DMXL1: variants seen among roughly 807,000 people sequenced by gnomAD.
The protein encoded by DMXL1 is dmX-like protein 1.
In DMXL1, 99 loss-of-function variants were observed where a neutral mutation model predicts 319.2. That is an observed-to-expected ratio of 0.31 (90% CI 0.26 to 0.37). DMXL1 has a LOEUF of 0.37. Ranked by LOEUF, DMXL1 falls within the 10% of genes least tolerant of loss-of-function variation. DMXL1 has a pLI of 1.00. For synonymous variants in DMXL1, 1,385 were observed against 1,235.2 expected (o/e 1.12, Z -2.54); for missense variants, 3,745 against 3,595.6 (o/e 1.04, Z -1.06).
chr5:119,110,083 T>C, intron 4 of DMXL1, 68 bp from the exon 5 acceptor site: 1 of 1,394,002 alleles, frequency 7.2e-7, no homozygotes, highest in Non-Finnish European at 9.7e-7. Context: ...TATATGAAAT[T>C]CTTGAGCATG....
At chr5:119,173,519 A>AGAT (rs1257940991) in intron 25 of DMXL1, among the ~76,000 whole-genome samples, 1 of 151,578 alleles carries the variant, frequency 6.6e-6, no homozygotes, top group Non-Finnish European at 1.5e-5. Context: ...GTCAGGTTCT[A>AGAT]GATGATCTAA....
intron 9 of DMXL1, among the ~76,000 whole-genome samples, chr5:119,124,659 G>T (rs767909356): frequency 6.7e-6 from 1 of 149,496 alleles, no homozygotes; most frequent in Non-Finnish European, 1.5e-5. Context: ...TCTGCCTCTC[G>T]GGTTCAAGTG....
intron 19 of DMXL1, among the ~76,000 whole-genome samples, chr5:119,161,840 C>G (rs1048202557): frequency 2.0e-4 from 31 of 152,200 alleles, no homozygotes; most frequent in Non-Finnish European, 4.4e-5. Flanking sequence ...ACCAGCTTGA[C>G]TTTGCAGGTA....
intron 34 of DMXL1, among the ~76,000 whole-genome samples, chr5:119,213,739 G>A (rs1783197640): frequency 6.6e-6 from 1 of 151,932 alleles, no homozygotes; most frequent in Admixed American, 6.6e-5. Flanking sequence ...CTCTAATTTG[G>A]TTATTATCTC....
In DMXL1 at chr5:119,152,015, C is replaced by A. The variant is rs780539211; in HGVS notation, c.4681C>A (p.Arg1561=). Residue 1561 remains arginine, a synonymous_variant, in exon 19 of 44, where the codon CGA becomes AGA. Coordinates refer to ENST00000539542, the MANE Select transcript of DMXL1 (RefSeq NM_001290321.3). ...TFLTTSLPAY[R]AQLLHQGLST... is the part of the protein sequence containing the mutation. Reference sequence around the variant, plus strand: ...TCTTACAACTTCCCTTCCAGCCTATCGAGCTCAACTCCTTCACCAAGGTGA... The same window carrying A: ...TCTTACAACTTCCCTTCCAGCCTATAGAGCTCAACTCCTTCACCAAGGTGA... 3 of 1,611,470 alleles carry A rather than the reference C, an allele frequency of 1.9e-6. No homozygotes were observed. The highest frequency in any genetic ancestry group is 1.7e-6 in the Non-Finnish European group (2 of 1,178,342).
chr5:119,103,889 C>T (rs1444531622), intron 3 of DMXL1, among the ~76,000 whole-genome samples: 1 of 152,020 alleles, frequency 6.6e-6, no homozygotes, highest in African/African-American at 2.4e-5. Flanking sequence ...TTTCTCCTTT[C>T]CTAATTATAA....
intron 28 of DMXL1, among the ~76,000 whole-genome samples, chr5:119,184,413 T>C (rs1344790947): frequency 1.3e-5 from 2 of 152,200 alleles, no homozygotes; most frequent in African/African-American, 2.4e-5. Context: ...GTGATCTCTC[T>C]CTTCAACCCA....
At chr5:119,246,558 A>T in intron 43 of DMXL1, among the ~76,000 whole-genome samples, 1 of 146,902 alleles carries the variant, frequency 6.8e-6, no homozygotes, top group South Asian at 2.2e-4. Context: ...ATTTTTCTCT[A>T]TTTTTGTTTT....
At position 119,149,290 on chromosome 5, in the gene DMXL1, A is replaced by T; in HGVS notation, c.3463A>T (p.Thr1155Ser). 1 of 1,613,954 alleles carries T rather than the reference A, an allele frequency of 6.2e-7. No homozygotes were observed. Among genetic ancestry groups the T allele is most frequent in the Non-Finnish European group, 8.5e-7 (1 of 1,179,888 alleles). Residue 1155 changes from threonine (T) to serine (S), a missense_variant, in exon 18 of 44, where the codon ACT (threonine) becomes TCT (serine). Around this residue, in one of 4 missense-constraint regions of DMXL1, gnomAD observed 2,096 missense variants for 1,985.4 expected, o/e 1.06. Coordinates refer to ENST00000539542, the MANE Select transcript of DMXL1 (RefSeq NM_001290321.3). Reference sequence around the variant, plus strand: ...TAGAGAAGACGGTTCTCATATCCTGACTGTAGGAATTGGATCAAAACTTTT... The same window carrying T: ...TAGAGAAGACGGTTCTCATATCCTGTCTGTAGGAATTGGATCAAAACTTTT... Reference protein sequence around the residue: ...MSREDGSHILTVGIGSKLFMY... With the variant: ...MSREDGSHILSVGIGSKLFMY...
In DMXL1 at chr5:119,116,332, C is replaced by A. The variant is rs1470289551; in HGVS notation, c.739C>A (p.Pro247Thr). 1 of 1,613,088 alleles carries A rather than the reference C, an allele frequency of 6.2e-7. No homozygotes were observed. Residue 247 changes from proline to threonine, a missense_variant, in exon 7 of 44, where the codon CCT (proline) becomes ACT (threonine). Around this residue, in one of 4 missense-constraint regions of DMXL1, gnomAD observed 2,096 missense variants for 1,985.4 expected, o/e 1.06. Coordinates refer to ENST00000539542, the MANE Select transcript of DMXL1 (RefSeq NM_001290321.3). ...CTGGCGTAAAACAAGCAAATATATG[C>A]CTAGGTCAGTGGATTGGTCATTTCC... Reference protein sequence around the residue: ...FSWRKTSKYMPRASVCNVLLT... With the variant: ...FSWRKTSKYMTRASVCNVLLT...
intron 29 of DMXL1, 78 bp downstream of exon 29, chr5:119,189,964 G>A: frequency 1.4e-6 from 2 of 1,420,800 alleles, no homozygotes; most frequent in Non-Finnish European, 1.9e-6. Flanking sequence ...GTCATTTTTG[G>A]TGCTTCCAAA....
chr5:119,242,223 A>G (rs1169445479), intron 42 of DMXL1, among the ~76,000 whole-genome samples: 3 of 152,168 alleles, frequency 2.0e-5, no homozygotes, highest in Non-Finnish European at 4.4e-5. Flanking sequence ...AAATGTTCCA[A>G]TATATCTATT....
chr5:119,110,043 T>G (rs1321425101), intron 4 of DMXL1, 108 bp from the exon 5 acceptor site: 1 of 1,038,328 alleles, frequency 9.6e-7, no homozygotes, highest in Non-Finnish European at 1.4e-6. Flanking sequence ...AAATTTTTTT[T>G]GATATTTGAC....
chr5:119,225,013 C>A (rs1235116287), intron 38 of DMXL1, among the ~76,000 whole-genome samples: 1 of 151,764 alleles, frequency 6.6e-6, no homozygotes. Flanking sequence ...TTTTGACTAC[C>A]AATCAAAATT....
intron 19 of DMXL1, among the ~76,000 whole-genome samples, chr5:119,161,478 G>A (rs2150206616): frequency 6.6e-6 from 1 of 152,384 alleles, no homozygotes; most frequent in South Asian, 2.1e-4. Context: ...TTATAGAAAT[G>A]CGTGTTTGAA....
chr5:119,150,568 C>T, intron 18 of DMXL1, 147 bp downstream of exon 18: 2 of 871,854 alleles, frequency 2.3e-6, no homozygotes, highest in Non-Finnish European at 3.3e-6. Context: ...GCAGGAGGAT[C>T]ACTTGAACCT....
intron 28 of DMXL1, among the ~76,000 whole-genome samples, chr5:119,189,340 C>T (rs1469261983): frequency 6.6e-6 from 1 of 152,084 alleles, no homozygotes; most frequent in South Asian, 2.1e-4. Flanking sequence ...TTTTAATTAA[C>T]ACTGACATCC....
chr5:119,195,828 A>G (rs72784094), intron 30 of DMXL1, among the ~76,000 whole-genome samples: 125 of 152,346 alleles, frequency 8.2e-4, no homozygotes, highest in Non-Finnish European at 1.5e-3. Flanking sequence ...TTTTTTAAAA[A>G]TCAAACTATA....
intron 1 of DMXL1, among the ~76,000 whole-genome samples, chr5:119,083,662 C>G (rs1432154508): frequency 2.0e-5 from 3 of 151,958 alleles, no homozygotes; most frequent in Non-Finnish European, 2.9e-5. Flanking sequence ...CTGCCTCTGC[C>G]TCGGAGTAGC....
Sources: allele counts gnomAD v4.1 joint callset (sites outside exome capture counted in the v4.1 genomes callset), GRCh38; gene constraint gnomAD v4.1.1; regional missense constraint gnomAD v4.1.1; transcripts MANE v1.5; gene names NCBI Gene and HGNC (gene_info 2026-07-23, HGNC 2026-07-21).